Variants in CEP170B observed in about 807,000 individuals in gnomAD.
CEP170B encodes the protein centrosomal protein of 170 kDa protein B.
Under a neutral mutation model 120.6 loss-of-function variants are expected in CEP170B, and 55 were observed. The observed-to-expected ratio is 0.46, with a 90% CI of 0.37 to 0.57. The LOEUF is 0.57. Ranked by LOEUF, CEP170B falls within the 20% of genes least tolerant of loss-of-function variation. The probability of loss-of-function intolerance (pLI) is 0.00; values close to 1 mark genes in which losing one functional copy is unlikely to be tolerated. For missense variants in CEP170B, 2,212 were observed against 2,253.3 expected (o/e 0.98, Z 0.37); for synonymous variants, 1,033 against 954.5 (o/e 1.08, Z -1.52).
chr14:104,889,444 C>T, intron 12 of CEP170B, 176 bp from the exon 13 acceptor site: 2 of 1,474,096 alleles, frequency 1.4e-6, no homozygotes, highest in Non-Finnish European at 1.8e-6. Context: ...CAGAGGGACC[C>T]TGGGACTGCC....
At chr14:104,877,996 C>T (rs1276405401) in intron 4 of CEP170B, 33 bp downstream of exon 4, 2 of 1,557,684 alleles carry the variant, frequency 1.3e-6, no homozygotes, top group Middle Eastern at 1.7e-4. Flanking sequence ...TCCTCCTGGG[C>T]TTCTTCTCAG....
In CEP170B at chr14:104,886,932, C is replaced by T. The variant is rs200963629; in HGVS notation, c.2693C>T (p.Thr898Ile). Reference protein sequence around the residue: ...SHPLLQDLAATRAARMDFHSQ... With the variant: ...SHPLLQDLAAIRAARMDFHSQ... ...CCGCTTCTACAGGACCTGGCCGCTA[C>T]CCGGGCCGCACGCATGGACTTCCAC... Residue 898 changes from threonine (T) to isoleucine (I), a missense_variant, in exon 12 of 19, where the codon ACC (threonine) becomes ATC (isoleucine). Thr to Ile is a moderately conservative substitution (Grantham distance 89). This residue lies in a region of CEP170B where 2,166 missense variants were observed against 2,166.7 expected (regional missense o/e 1.00). Transcript: ENST00000414716. 4.3e-6 allele frequency: 7 copies of T among 1,609,256 alleles called. No individual in the cohort carries two copies. Among genetic ancestry groups the T allele is most frequent in the Non-Finnish European group, 5.9e-6 (7 of 1,179,802 alleles).
rs1288400821 is a variant in CEP170B, at chr14:104,895,931, G to GCCT, written c.*973_*974insCCT. ...CCATCAGGCCTCAAGTGGGCATGGG[G>GCCT]GCAGGGACGGGCCCAGGAACTGTTG... is the stretch of plus-strand genomic sequence containing the variant. On this transcript the variant is annotated 3_prime_UTR_variant, in exon 19 of 19. Coordinates refer to ENST00000414716, the MANE Select transcript of CEP170B (RefSeq NM_001112726.3). The GCCT allele has an allele frequency of 1.3e-5, 2 of 153,106 alleles. No individual in the cohort carries two copies. Among genetic ancestry groups the GCCT allele is most frequent in the Non-Finnish European group, 1.5e-5 (1 of 68,544 alleles). The allele number at this position is 153,106 out of a possible 1,614,324, so 9.5% of individuals were successfully genotyped here. A position where few individuals can be genotyped will look rare whatever the true frequency, so the allele number is the denominator to read the frequency against.
At chr14:104,882,537 A>C (rs755717711) in intron 6 of CEP170B, among the ~76,000 whole-genome samples, 191 bp from the exon 7 acceptor site, 6 of 151,888 alleles carry the variant, frequency 4.0e-5, no homozygotes, top group Non-Finnish European at 7.4e-5. Flanking sequence ...GGGAGGGGCC[A>C]GTGAGCCACC....
In CEP170B at chr14:104,868,657, G is replaced by A. The variant is rs1165693526; in HGVS notation, c.105+102G>A. On this transcript the variant is annotated intron_variant, in intron 2 of 18. Transcript: ENST00000414716. The surrounding 1 kb of genome is among the most constrained non-coding windows in gnomAD (Gnocchi z 5.9). ...CCCACTTGCTGCAGGCCACCCTGGC[G>A]AGGAGGCCGCCATGCAGCCCAGGCT... is the stretch of plus-strand genomic sequence containing the variant. 17 of 1,147,390 alleles carry A rather than the reference G, an allele frequency of 1.5e-5. No individual in the cohort carries two copies. The highest frequency in any genetic ancestry group is 2.7e-4 in the Middle Eastern group (1 of 3,670). The allele number at this position is 1,147,390 out of a possible 1,614,324, so 71.1% of individuals were successfully genotyped here.
chr14:104,887,476 C>A lies in CEP170B; in HGVS notation c.3237C>A (p.Arg1079=). The A allele has an allele frequency of 1.2e-6, 2 of 1,611,828 alleles. No homozygotes were observed. The highest frequency in any genetic ancestry group is 1.7e-6 in the Non-Finnish European group (2 of 1,179,596). ...EATGAGRLGS[R]RKPAAPPPSP... ...CCGGGGCAGGACGGCTAGGTTCTCG[C>A]CGGAAACCAGCGGCCCCACCGCCAT... The change falls in exon 12 of 19, where the codon CGC becomes CGA. Residue 1079 remains arginine, a synonymous_variant. Transcript: ENST00000414716.
rs1436374685 is a variant in CEP170B at position 104,884,039 on chromosome 14, G to A, written c.1260G>A (p.Gln420=). ...ACACACCCCGAAAGAAGCGCTCCCAGTCCTTCACGCACAGCCCGTCCGGGG... is the reference window on the plus strand; with the variant it reads ...ACACACCCCGAAAGAAGCGCTCCCAATCCTTCACGCACAGCCCGTCCGGGG... ...DEDTPRKKRS[Q]SFTHSPSGDP... The change falls in exon 9 of 19, where the codon CAG becomes CAA. Residue 420 remains glutamine (Q), a synonymous_variant. Transcript: ENST00000414716. 1 of 1,610,476 alleles carries A rather than the reference G, an allele frequency of 6.2e-7. No homozygotes were observed. The highest frequency in any genetic ancestry group is 8.5e-7 in the Non-Finnish European group (1 of 1,178,700).
At chr14:104,877,227 A>G (rs1162318939) in intron 3 of CEP170B, among the ~76,000 whole-genome samples, 2 of 152,192 alleles carry the variant, frequency 1.3e-5, no homozygotes, top group Admixed American at 6.5e-5. Context: ...ATGGCTGCAC[A>G]GCAAGTGGCC....
chr14:104,893,307 G>A (rs1007821190), intron 14 of CEP170B, among the ~76,000 whole-genome samples, 172 bp downstream of exon 14: 4 of 152,246 alleles, frequency 2.6e-5, no homozygotes, highest in South Asian at 2.1e-4. Flanking sequence ...CGGAGAGCTC[G>A]AGGTCTGGGG....
At chr14:104,883,569 G>C (rs1341813314) in intron 8 of CEP170B, 61 bp downstream of exon 8, 4 of 1,449,214 alleles carry the variant, frequency 2.8e-6, no homozygotes, top group Non-Finnish European at 3.7e-6. Context: ...GACTTTGGCT[G>C]GGTCTGCACT....
Position 104,868,812 on chromosome 14 carries a change from C to G in CEP170B, c.105+257C>G, listed in dbSNP as rs1263744876. On this transcript the variant is annotated intron_variant, in intron 2 of 18. Transcript: ENST00000414716. This position sits in a 1 kb window ranked among gnomAD's most constrained non-coding sequence, Gnocchi z 5.9. ...TATCCCTGTCTCTGACAGGAGGGGG[C>G]TTAGGCTTTTGTCAGGTTCTCAAAG... 1.3e-5 allele frequency among the ~76,000 whole-genome samples: 2 copies of G among 152,134 alleles called. No homozygotes were observed. The highest frequency in any genetic ancestry group is 4.8e-5 in the African/African-American group (2 of 41,428).
rs561942655 is a variant in CEP170B, at chr14:104,891,269, G to C, written c.3878+1511G>C. Among the ~76,000 whole-genome samples, 22 of 152,272 alleles carry C rather than the reference G, an allele frequency of 1.4e-4. No individual in the cohort carries two copies. The South Asian group carries it at 4.6e-3, about 32-fold the overall frequency. On this transcript the variant is annotated intron_variant, in intron 13 of 18. Transcript: ENST00000414716. This position sits in a 1 kb window ranked among gnomAD's most constrained non-coding sequence, Gnocchi z 4.3. ...GGGGTAGGGAGTTGGGTGGGAGTGAGAGTGGTCTTTGCCAAGCAGTGGTCA... is the reference window on the plus strand; with the variant it reads ...GGGGTAGGGAGTTGGGTGGGAGTGACAGTGGTCTTTGCCAAGCAGTGGTCA...
At chr14:104,884,630 C>T (rs1896358946) in intron 9 of CEP170B, 81 bp downstream of exon 9, 20 of 1,215,006 alleles carry the variant, frequency 1.6e-5, no homozygotes, top group Middle Eastern at 2.8e-4. Context: ...TGAGAGCCCT[C>T]GTGGGGAACG....
rs1421310703 is a variant in CEP170B, at chr14:104,887,960, A to G, written c.3721A>G (p.Ser1241Gly). ...GCCCTTCAGCAGGGCCCGCTCAGGC[A>G]GTGCCCGATACACCTCCAGTGAGTG... Reference protein sequence around the residue: ...RQPFSRARSGSARYTSTTQTP... With the variant: ...RQPFSRARSGGARYTSTTQTP... Residue 1241 changes from serine (S) to glycine (G), a missense_variant, in exon 12 of 19, where the codon AGT becomes GGT. Physicochemically the swap from Ser to Gly is moderately conservative, Grantham distance 56 (BLOSUM62 0). This residue lies in a region of CEP170B where 2,166 missense variants were observed against 2,166.7 expected (regional missense o/e 1.00). Transcript: ENST00000414716. 3 of 1,516,846 alleles carry G rather than the reference A, an allele frequency of 2.0e-6. No individual in the cohort carries two copies. In the South Asian group the frequency reaches 3.7e-5, roughly 19 times the overall value. The allele number at this position is 1,516,846 out of a possible 1,614,324, so 94.0% of individuals were successfully genotyped here.
At chr14:104,872,598 G>A (rs1350009449) in intron 2 of CEP170B, among the ~76,000 whole-genome samples, 1 of 152,114 alleles carries the variant, frequency 6.6e-6, no homozygotes, top group African/African-American at 2.4e-5. Context: ...GTGGGGAGGT[G>A]TCCTCCGTGA....
Position 104,886,988 on chromosome 14 carries a change from A to T in CEP170B, c.2749A>T (p.Thr917Ser), listed in dbSNP as rs774323269. 6.2e-7 allele frequency: 1 copy of T among 1,609,270 alleles called. No individual in the cohort carries two copies. The highest frequency in any genetic ancestry group is 8.5e-7 in the Non-Finnish European group (1 of 1,179,812). ...SQDTHLILKE[T>S]ETALAALEAR... The stretch of plus-strand genomic sequence containing the variant: ...GGACACCCACCTGATCTTGAAGGAG[A>T]CGGAGACGGCCCTGGCGGCCCTGGA... The change falls in exon 12 of 19, where the codon ACG becomes TCG. Residue 917 changes from threonine (T) to serine (S), a missense_variant. Physicochemically the swap from Thr to Ser is moderately conservative, Grantham distance 58 (BLOSUM62 1). Around this residue, in one of 2 missense-constraint regions of CEP170B, gnomAD observed 2,166 missense variants for 2,166.7 expected, o/e 1.00. Coordinates refer to ENST00000414716, the MANE Select transcript of CEP170B (RefSeq NM_001112726.3).
Position 104,887,155 on chromosome 14 carries a change from C to G in CEP170B, c.2916C>G (p.Ser972Arg), listed in dbSNP as rs1896567663. 2 of 1,608,636 alleles carry G rather than the reference C, an allele frequency of 1.2e-6. No homozygotes were observed. Residue 972 changes from serine to arginine, a missense_variant, in exon 12 of 19, where the codon AGC becomes AGG. By Grantham distance (110) the Ser-to-Arg change is moderately radical (BLOSUM62 -1). This residue lies in a region of CEP170B where 2,166 missense variants were observed against 2,166.7 expected (regional missense o/e 1.00). Coordinates refer to ENST00000414716, the MANE Select transcript of CEP170B (RefSeq NM_001112726.3). ...VSLRSGKSGP[S>R]PTTPQPLRAQ... ...TGCGTAGTGGCAAGAGCGGGCCCAG[C>G]CCCACAACCCCCCAGCCTCTGCGGG...
At chr14:104,885,575 C>T in intron 10 of CEP170B, 33 bp downstream of exon 10, 1 of 1,531,194 alleles carries the variant, frequency 6.5e-7, no homozygotes, top group East Asian at 2.4e-5. Flanking sequence ...CAAGGAGGGG[C>T]TGGGCAGGAA....
intron 5 of CEP170B, among the ~76,000 whole-genome samples, chr14:104,879,637 G>A (rs571629421): frequency 9.2e-5 from 14 of 152,268 alleles, no homozygotes; most frequent in African/African-American, 2.6e-4. Context: ...TGATGAGGCC[G>A]CCAGCAGGGG....
Sources: gnomAD v4.1 joint callset for allele counts (sites outside exome capture counted in the v4.1 genomes callset) on GRCh38, gnomAD v4.1.1 for gene constraint, gnomAD v4.1.1 regional missense constraint, Gnocchi (gnomAD v3.1) non-coding constraint, MANE v1.5 for transcripts, NCBI Gene and HGNC (gene_info 2026-07-23, HGNC 2026-07-21) for gene names.